Variants in FGGY observed in about 807,000 individuals in gnomAD.
FGGY encodes FGGY carbohydrate kinase domain containing.
Under a neutral mutation model 71.3 loss-of-function variants are expected in FGGY, and 72 were observed. The observed-to-expected ratio is 1.01, with a 90% CI of 0.84 to 1.23. The LOEUF (loss-of-function observed/expected upper bound fraction) is 1.23. Ranked by LOEUF, FGGY falls within the 50% of genes most tolerant of loss-of-function variation. The pLI, the probability that FGGY is intolerant of heterozygous loss-of-function variation, is 0.00. For synonymous variants in FGGY, 251 were observed against 250.3 expected (o/e 1.00, Z -0.02); for missense variants, 668 against 682.3 (o/e 0.98, Z 0.23).
At chr1:59,577,918 T>G (rs952208625) in intron 8 of FGGY, among the ~76,000 whole-genome samples, 1 of 152,132 alleles carries the variant, frequency 6.6e-6, no homozygotes, top group Admixed American at 6.6e-5. Context: ...ACTCTCTGTT[T>G]CAGCCACATG....
At chr1:59,382,813 C>T (rs894220109) in intron 5 of FGGY, among the ~76,000 whole-genome samples, 13 of 152,148 alleles carry the variant, frequency 8.5e-5, no homozygotes, top group African/African-American at 2.9e-4. Flanking sequence ...CGTGGCTTTC[C>T]TTCTCTTTTT....
intron 14 of FGGY, among the ~76,000 whole-genome samples, chr1:59,732,512 G>C (rs757477085): frequency 2.6e-5 from 4 of 152,178 alleles, no homozygotes; most frequent in Non-Finnish European, 5.9e-5. Flanking sequence ...AGTGCAGGGA[G>C]GGCACCTCAG....
intron 5 of FGGY, among the ~76,000 whole-genome samples, chr1:59,415,120 C>T (rs1435109069): frequency 2.0e-5 from 3 of 152,178 alleles, no homozygotes; most frequent in Non-Finnish European, 4.4e-5. Flanking sequence ...AGCTCAAGGT[C>T]AGCAGGCACC....
At position 59,583,644 on chromosome 1, in the gene FGGY, G is replaced by C. The variant is rs1330257372; in HGVS notation, c.904-24159G>C. On this transcript the variant is annotated intron_variant, in intron 8 of 15. Transcript: ENST00000303721. ...CACCTGAGGGGCATTTCCTCAATGG[G>C]AGAGCACCTTTGCCCTTCACAACAT... Among the ~76,000 whole-genome samples, 24 of 142,294 alleles carry C rather than the reference G, an allele frequency of 1.7e-4. 3 individuals are homozygous for C. Among genetic ancestry groups the C allele is most frequent in the African/African-American group, 6.6e-4 (24 of 36,192 alleles). The allele number at this position is 142,294 out of a possible 152,430, so 93.4% of individuals were successfully genotyped here.
chr1:59,444,047 C>G (rs1179240484), intron 5 of FGGY, among the ~76,000 whole-genome samples: 1 of 152,150 alleles, frequency 6.6e-6, no homozygotes, highest in Non-Finnish European at 1.5e-5. Context: ...CCCAACATTA[C>G]TAGAATGGAG....
chr1:59,757,782 T>C (rs2098305629), intron 14 of FGGY, 149 bp from the exon 15 acceptor site: 1 of 591,316 alleles, frequency 1.7e-6, no homozygotes, highest in Admixed American at 3.1e-5. Flanking sequence ...TTTATTCTTA[T>C]TACCAAAGAA....
chr1:59,692,396 A>G (rs2097597708), intron 14 of FGGY, among the ~76,000 whole-genome samples: 1 of 152,224 alleles, frequency 6.6e-6, no homozygotes, highest in Non-Finnish European at 1.5e-5. Context: ...CTTATTCCAA[A>G]TGCAAAAATA....
intron 5 of FGGY, among the ~76,000 whole-genome samples, chr1:59,447,773 C>T (rs1385723882): frequency 1.3e-5 from 2 of 152,202 alleles, no homozygotes; most frequent in Non-Finnish European, 1.5e-5. Context: ...GTGGCCTCCC[C>T]AGCCACGTGG....
At chr1:59,673,829 G>C (rs1437198977) in intron 13 of FGGY, 14 of 531,298 alleles carry the variant, frequency 2.6e-5, no homozygotes, top group African/African-American at 7.6e-5. Flanking sequence ...GTTCCCTTGG[G>C]CTCTTGGCTA....
At chr1:59,619,362 T>A (rs968555933) in intron 9 of FGGY, among the ~76,000 whole-genome samples, 1 of 152,080 alleles carries the variant, frequency 6.6e-6, no homozygotes, top group Non-Finnish European at 1.5e-5. Context: ...AATTCCACTT[T>A]ATGGTATAAG....
At chr1:59,485,126 T>A (rs1299103291) in intron 6 of FGGY, among the ~76,000 whole-genome samples, 1 of 152,236 alleles carries the variant, frequency 6.6e-6, no homozygotes, top group East Asian at 1.9e-4. Context: ...AGGATAGGAC[T>A]GGAATCAACT....
At chr1:59,444,401 G>A (rs537929573) in intron 5 of FGGY, among the ~76,000 whole-genome samples, 19 of 152,026 alleles carry the variant, frequency 1.2e-4, no homozygotes, top group South Asian at 1.0e-3. Flanking sequence ...TCATTTCTTC[G>A]TGTTGGGAAT....
chr1:59,498,797 T>G (rs1036586706), intron 6 of FGGY, among the ~76,000 whole-genome samples: 2 of 152,238 alleles, frequency 1.3e-5, no homozygotes, highest in Non-Finnish European at 2.9e-5. Flanking sequence ...CTCTGCTCGA[T>G]TTCCACGTCA....
chr1:59,688,217 C>A (rs1045850752), intron 14 of FGGY, among the ~76,000 whole-genome samples: 8 of 152,128 alleles, frequency 5.3e-5, no homozygotes, highest in African/African-American at 1.7e-4. Context: ...TGAGCCAGAG[C>A]CCTGGACCAT....
intron 4 of FGGY, among the ~76,000 whole-genome samples, chr1:59,349,687 G>A (rs2052855798): frequency 6.6e-6 from 1 of 152,110 alleles, no homozygotes; most frequent in Admixed American, 6.6e-5. Context: ...GTTTTGGTAA[G>A]CATGTACAGG....
intron 7 of FGGY, among the ~76,000 whole-genome samples, chr1:59,530,965 G>A (rs1009810560): frequency 6.6e-6 from 1 of 152,184 alleles, no homozygotes; most frequent in Non-Finnish European, 1.5e-5. Context: ...CAGAACTGAC[G>A]CAGTTCCAAG....
At chr1:59,303,827 T>A (rs2043095645) in intron 1 of FGGY, among the ~76,000 whole-genome samples, 3 of 152,126 alleles carry the variant, frequency 2.0e-5, no homozygotes, top group Non-Finnish European at 4.4e-5. Flanking sequence ...TGCTTTTGAT[T>A]TACACTTTGC....
chr1:59,458,775 G>A (rs2091939723), intron 6 of FGGY, among the ~76,000 whole-genome samples: 1 of 152,136 alleles, frequency 6.6e-6, no homozygotes, highest in South Asian at 2.1e-4. Context: ...AAAATTAATT[G>A]TGTGATGTTT....
chr1:59,641,305 C>T (rs747128652), intron 11 of FGGY: 30 of 1,609,568 alleles, frequency 1.9e-5, no homozygotes, highest in East Asian at 4.5e-5. Context: ...CTGTATATTC[C>T]GGCTTTGGCA....
Sources: gnomAD v4.1 joint callset for allele counts (sites outside exome capture counted in the v4.1 genomes callset) on GRCh38, gnomAD v4.1.1 for gene constraint, MANE v1.5 for transcripts, NCBI Gene and HGNC (gene_info 2026-07-23, HGNC 2026-07-21) for gene names.